Variants in BCAT2 observed in about 807,000 individuals in gnomAD.
The protein encoded by BCAT2 is branched chain amino acid transaminase 2, also known as branched-chain-amino-acid aminotransferase, mitochondrial.
In BCAT2, 44 loss-of-function variants were observed where a neutral mutation model predicts 52.9. The observed-to-expected ratio is 0.83, with a 90% CI of 0.65 to 1.07. BCAT2 has a LOEUF of 1.07. BCAT2 is among the 50% of genes least tolerant of loss of function. BCAT2 has a pLI of 0.00. For missense variants in BCAT2, 478 were observed against 521.8 expected (o/e 0.92, Z 0.82); for synonymous variants, 215 against 217.1 (o/e 0.99, Z 0.08).
chr19:48,809,147 GC>G (rs1407579410), intron 1 of BCAT2, among the ~76,000 whole-genome samples: 1 of 146,894 alleles, frequency 6.8e-6, no homozygotes, highest in Non-Finnish European at 1.5e-5. Context: ...GATCGCTTGA[GC>G]CCATCTACTC....
chr19:48,808,244 G>A lies in BCAT2; in HGVS notation c.25-1170C>T. On this transcript the variant is annotated intron_variant, in intron 1 of 10. Transcript: ENST00000316273. ...AGCCTTGCAGCCATGCTTCTGCCCA[G>A]AGGGATAGGACACCCACAGTATGAG... is the stretch of plus-strand genomic sequence containing the variant. The A allele has an allele frequency of 1.0e-5, 10 of 985,796 alleles. No homozygotes were observed. In the South Asian group the frequency reaches 4.7e-4, roughly 46 times the overall value. The allele number at this position is 985,796 out of a possible 1,614,324, so 61.1% of individuals were successfully genotyped here.
Position 48,807,989 on chromosome 19 carries a change from G to T in BCAT2, c.25-915C>A. On this transcript the variant is annotated intron_variant, in intron 1 of 10. Transcript: ENST00000316273. The surrounding 1 kb of genome is among the most constrained non-coding windows in gnomAD (Gnocchi z 4.6). ...CCCAGCCCTGTGGGGAGGCGTTGGGGCGTGAGGTTGAGAGAGACAGAGTGG... is the reference window on the plus strand; with the variant it reads ...CCCAGCCCTGTGGGGAGGCGTTGGGTCGTGAGGTTGAGAGAGACAGAGTGG... 1 of 986,144 alleles carries T rather than the reference G, an allele frequency of 1.0e-6. No individual in the cohort carries two copies. Among genetic ancestry groups the T allele is most frequent in the Non-Finnish European group, 1.2e-6 (1 of 830,332 alleles). The allele number at this position is 986,144 out of a possible 1,614,324, so 61.1% of individuals were successfully genotyped here. A position where few individuals can be genotyped will look rare whatever the true frequency, so the allele number is the denominator to read the frequency against.
rs2034616725 is a variant in BCAT2 at position 48,799,909 on chromosome 19, C to G, written c.532-71G>C. On this transcript the variant is annotated intron_variant, in intron 5 of 10. Transcript: ENST00000316273. This position sits in a 1 kb window ranked among gnomAD's most constrained non-coding sequence, Gnocchi z 5.5. ...CCTTCCCGTCCCCAGGCCCAGGCCT[C>G]CAGGACCCCACCCCTGCCCTGCAGA... is the stretch of plus-strand genomic sequence containing the variant. The G allele has an allele frequency of 8.1e-6, 13 of 1,600,804 alleles. No individual in the cohort carries two copies. In the East Asian group the frequency reaches 2.5e-4, roughly 31 times the overall value.
chr19:48,798,347 C>T (rs781708005), intron 6 of BCAT2, among the ~76,000 whole-genome samples: 1 of 152,226 alleles, frequency 6.6e-6, no homozygotes, highest in Non-Finnish European at 1.5e-5. Flanking sequence ...CCTCTCCCCT[C>T]AGCTGCTAAC....
intron 6 of BCAT2, among the ~76,000 whole-genome samples, chr19:48,797,814 CTTT>C (rs11310101): frequency 1.5e-5 from 2 of 130,736 alleles, no homozygotes; most frequent in Admixed American, 7.8e-5. Context: ...TTCTTTTTTT[CTTT>C]TTTTTTTTTT....
chr19:48,796,894 CCTGGCA>C, intron 8 of BCAT2, 37 bp downstream of exon 8: 1 of 1,609,336 alleles, frequency 6.2e-7, no homozygotes, highest in Non-Finnish European at 8.5e-7. Flanking sequence ...TGCCCTGGCC[CCTGGCA>C]CATGGCGCCC....
At position 48,799,914 on chromosome 19, in the gene BCAT2, AC is replaced by A. The variant is rs1306777518; in HGVS notation, c.531+66del. 4 of 1,602,204 alleles carry A rather than the reference AC, an allele frequency of 2.5e-6. No individual in the cohort carries two copies. Among genetic ancestry groups the A allele is most frequent in the Non-Finnish European group, 1.7e-6 (2 of 1,174,478 alleles). ...CCGTCCCCAGGCCCAGGCCTCCAGG[AC>A]CCCACCCCTGCCCTGCAGAATCCAA... On this transcript the variant is annotated intron_variant, in intron 5 of 10. Coordinates refer to ENST00000316273, the MANE Select transcript of BCAT2 (RefSeq NM_001190.4). This position sits in a 1 kb window ranked among gnomAD's most constrained non-coding sequence, Gnocchi z 5.5.
intron 1 of BCAT2, 173 bp downstream of exon 1, chr19:48,810,811 C>T: frequency 1.4e-6 from 2 of 1,441,960 alleles, no homozygotes; most frequent in Non-Finnish European, 1.8e-6. Context: ...CCCCTCACCC[C>T]ATTAAAGCCT....
At chr19:48,805,504 T>G (rs1049509171) in intron 3 of BCAT2, among the ~76,000 whole-genome samples, 2 of 152,022 alleles carry the variant, frequency 1.3e-5, no homozygotes, top group African/African-American at 4.8e-5. Flanking sequence ...ATTTTCAGCC[T>G]CCTTAACCAT....
Position 48,807,685 on chromosome 19 carries a change from C to T in BCAT2, c.25-611G>A, listed in dbSNP as rs533236043. ...GACCCAGGAGTCCAGTTCCCCAGCC[C>T]CTCCTCCGCCAGACCCAGGAGTACA... On this transcript the variant is annotated intron_variant, in intron 1 of 10. Transcript: ENST00000316273. The surrounding 1 kb of genome is among the most constrained non-coding windows in gnomAD (Gnocchi z 4.6). 1.9e-5 allele frequency: 19 copies of T among 979,876 alleles called. No individual in the cohort carries two copies. In the East Asian group the frequency reaches 3.4e-4, roughly 17 times the overall value. The allele number at this position is 979,876 out of a possible 1,614,324, so 60.7% of individuals were successfully genotyped here. A position where few individuals can be genotyped will look rare whatever the true frequency, so the allele number is the denominator to read the frequency against.
At chr19:48,805,430 C>T (rs2122685959) in intron 3 of BCAT2, among the ~76,000 whole-genome samples, 1 of 152,236 alleles carries the variant, frequency 6.6e-6, no homozygotes, top group East Asian at 1.9e-4. Flanking sequence ...TTCCTCAGAG[C>T]CCTCAGTGGC....
chr19:48,810,911 A>C, intron 1 of BCAT2, 73 bp downstream of exon 1: 9 of 1,571,340 alleles, frequency 5.7e-6, no homozygotes, highest in Non-Finnish European at 7.8e-6. Flanking sequence ...GACCGGCTGC[A>C]GGCCAGTGGT....
rs2034531617 is a variant in BCAT2, at chr19:48,796,736, G to A, written c.925-18C>T. ...AACTCACCCTGCAGGGCAGTTGGCAGAGACACGTGTCCCCAGAGGGTTGCC... is the reference window on the plus strand; with the variant it reads ...AACTCACCCTGCAGGGCAGTTGGCAAAGACACGTGTCCCCAGAGGGTTGCC... On this transcript the variant is annotated intron_variant, in intron 8 of 10. Transcript: ENST00000316273. The A allele has an allele frequency of 1.2e-6, 2 of 1,606,094 alleles. No individual in the cohort carries two copies. The highest frequency in any genetic ancestry group is 1.7e-6 in the Non-Finnish European group (2 of 1,176,884).
At chr19:48,798,312 TTC>T (rs1241927573) in intron 6 of BCAT2, among the ~76,000 whole-genome samples, 1 of 152,156 alleles carries the variant, frequency 6.6e-6, no homozygotes, top group Non-Finnish European at 1.5e-5. Context: ...CTGGATGACT[TTC>T]TGAGTCTCTC....
Position 48,795,309 on chromosome 19 carries a change from ACGC to A in BCAT2, c.*114_*116del. 1 of 1,397,962 alleles carries A rather than the reference ACGC, an allele frequency of 7.2e-7. No individual in the cohort carries two copies. Among genetic ancestry groups the A allele is most frequent in the Admixed American group, 1.9e-5 (1 of 51,720 alleles). 86.6% of individuals were successfully genotyped at this position (1,397,962 alleles called of 1,614,324 possible). A position where few individuals can be genotyped will look rare whatever the true frequency, so the allele number is the denominator to read the frequency against. ...CCACATGGGGGCGCCAGAGACCCAG[ACGC>A]CGCCCGCTGGCCTTTTATTTCGTAT... On this transcript the variant is annotated 3_prime_UTR_variant, in exon 11 of 11. Transcript: ENST00000316273.
intron 1 of BCAT2, chr19:48,808,017 T>C: frequency 1.0e-6 from 1 of 986,460 alleles, no homozygotes; most frequent in South Asian, 4.7e-5. Flanking sequence ...CAGAGTGGCC[T>C]GGCCTGGCCT....
intron 6 of BCAT2, 65 bp from the exon 7 acceptor site, chr19:48,797,398 A>G: frequency 6.3e-7 from 1 of 1,588,444 alleles, no homozygotes. Context: ...CCAGCCCCAG[A>G]GGAGGCTCAT....
rs777192375 is a variant in BCAT2, at chr19:48,795,497, A to T, written c.1141-33T>A. ...ACAACGGAGGCAGTGCGTGAGGTGG[A>T]AGCTGCACTACAACTCCCAGTAGGC... On this transcript the variant is annotated intron_variant, in intron 10 of 10. Transcript: ENST00000316273. 4.3e-6 allele frequency: 7 copies of T among 1,612,116 alleles called. No individual in the cohort carries two copies. The Admixed American group carries it at 1.2e-4, about 27-fold the overall frequency.
intron 10 of BCAT2, among the ~76,000 whole-genome samples, 189 bp from the exon 11 acceptor site, chr19:48,795,653 C>CTTGA (rs2034492966): frequency 3.3e-5 from 5 of 152,088 alleles, no homozygotes; most frequent in African/African-American, 4.8e-5. Flanking sequence ...CAGAGGCTTC[C>CTTGA]GGGAGATGTA....
Sources: gnomAD v4.1 joint callset for allele counts (sites outside exome capture counted in the v4.1 genomes callset) on GRCh38, gnomAD v4.1.1 for gene constraint, Gnocchi (gnomAD v3.1) non-coding constraint, MANE v1.5 for transcripts, NCBI Gene and HGNC (gene_info 2026-07-23, HGNC 2026-07-21) for gene names.